Variants in PPL observed in about 807,000 individuals in gnomAD.
PPL encodes 190 kDa paraneoplastic pemphigus antigen.
PPL carries 198 observed loss-of-function variants against 194.4 expected under a neutral mutation model. That is an observed-to-expected ratio of 1.02 (90% CI 0.91 to 1.15). The LOEUF (loss-of-function observed/expected upper bound fraction) is 1.15. PPL is among the 50% of genes most tolerant of loss of function. The pLI, the probability that PPL is intolerant of heterozygous loss-of-function variation, is 0.00. For missense variants in PPL, 2,885 were observed against 2,294.8 expected (o/e 1.26, Z -5.25); for synonymous variants, 1,220 against 972.4 (o/e 1.25, Z -4.74).
At chr16:4,905,623 AAAAAGC>A (rs1361055171) in intron 2 of PPL, among the ~76,000 whole-genome samples, 1 of 152,256 alleles carries the variant, frequency 6.6e-6, no homozygotes, top group East Asian at 1.9e-4. Context: ...TTTTAAAAAG[AAAAAGC>A]AAAAGGAAGA....
chr16:4,933,844 A>G (rs1190417494), intron 1 of PPL, among the ~76,000 whole-genome samples: 1 of 152,228 alleles, frequency 6.6e-6, no homozygotes, highest in Non-Finnish European at 1.5e-5. Context: ...GTCCACCATG[A>G]TATCAAGTTT....
At chr16:4,887,010 C>A in intron 21 of PPL, 125 bp downstream of exon 21, 1 of 799,886 alleles carries the variant, frequency 1.3e-6, no homozygotes. Flanking sequence ...TTTGCATTGG[C>A]CCTGCCCAGA....
Position 4,902,282 on chromosome 16 carries a change from C to T in PPL, c.438+124G>A. The T allele has an allele frequency of 6.9e-7, 1 of 1,448,660 alleles. No homozygotes were observed. Among genetic ancestry groups the T allele is most frequent in the East Asian group, 2.3e-5 (1 of 42,638 alleles). 89.7% of individuals were successfully genotyped at this position (1,448,660 alleles called of 1,614,324 possible). ...TCTCATGGGCACACTGGAAAACCAT[C>T]AGGACCACGACTGTCTCCCTGGTAA... On this transcript the variant is annotated intron_variant, in intron 4 of 21. Coordinates refer to ENST00000345988, the MANE Select transcript of PPL (RefSeq NM_002705.5). The surrounding 1 kb of genome is among the most constrained non-coding windows in gnomAD (Gnocchi z 4.0).
chr16:4,908,124 T>C (rs1401590857), intron 2 of PPL, among the ~76,000 whole-genome samples: 2 of 141,020 alleles, frequency 1.4e-5, no homozygotes, highest in Non-Finnish European at 3.0e-5. Context: ...ATAGCACCAC[T>C]GCACTCCAGC....
At chr16:4,913,832 CG>C (rs2088865555) in intron 1 of PPL, among the ~76,000 whole-genome samples, 3 of 152,238 alleles carry the variant, frequency 2.0e-5, no homozygotes, top group African/African-American at 7.2e-5. Flanking sequence ...TGGCTAGGCA[CG>C]CAGAAGTTGC....
chr16:4,926,645 G>T (rs527735396), intron 1 of PPL, among the ~76,000 whole-genome samples: 3 of 152,252 alleles, frequency 2.0e-5, no homozygotes, highest in South Asian at 4.1e-4. Flanking sequence ...GGAGGCCGAG[G>T]CGGGCAGATC....
rs117476517 is a variant in PPL at position 4,924,177 on chromosome 16, C to T, written c.62+12807G>A. 3.9e-3 allele frequency among the ~76,000 whole-genome samples: 594 copies of T among 152,224 alleles called. 5 individuals are homozygous for T. Among genetic ancestry groups the T allele is most frequent in the Non-Finnish European group, 5.7e-3 (386 of 68,022 alleles). On this transcript the variant is annotated intron_variant, in intron 1 of 21. Transcript: ENST00000345988. Reference sequence around the variant, plus strand: ...AGAATTTACATTTTTCTAGTAGCCACGTGAAAAGAGTAAGAAGAAATGAGC... The same window carrying T: ...AGAATTTACATTTTTCTAGTAGCCATGTGAAAAGAGTAAGAAGAAATGAGC...
At chr16:4,919,718 C>A (rs1203827220) in intron 1 of PPL, among the ~76,000 whole-genome samples, 1 of 151,590 alleles carries the variant, frequency 6.6e-6, no homozygotes, top group Non-Finnish European at 1.5e-5. Context: ...TCTCTTGAGC[C>A]TAGGAGTTCG....
chr16:4,893,946 G>C (rs2088369467), intron 12 of PPL: 1 of 415,518 alleles, frequency 2.4e-6, no homozygotes, highest in Non-Finnish European at 4.3e-6. Context: ...AATAAATGAA[G>C]GCATTCCTTG....
rs753001981 is a variant in PPL at position 4,884,685 on chromosome 16, C to A, written c.3970G>T (p.Asp1324Tyr). The A allele has an allele frequency of 5.6e-6, 9 of 1,614,030 alleles. No homozygotes were observed. The highest frequency in any genetic ancestry group is 2.7e-5 in the African/African-American group (2 of 74,932). The change falls in exon 22 of 22, where the codon GAT (aspartate) becomes TAT (tyrosine). Residue 1324 changes from aspartate to tyrosine, a missense_variant. By Grantham distance (160) the Asp-to-Tyr change is radical (BLOSUM62 -3). Coordinates refer to ENST00000345988, the MANE Select transcript of PPL (RefSeq NM_002705.5). This position sits in a 1 kb window ranked among gnomAD's most constrained non-coding sequence, Gnocchi z 5.7. Reference protein sequence around the residue: ...KLSEEQKKQVDLERERASQEE... With the variant: ...KLSEEQKKQVYLERERASQEE... ...TGGGAAGCTCTTTCCCTCTCCAGAT[C>A]CACTTGTTTCTTCTGCTCCTCTGAG...
intron 1 of PPL, among the ~76,000 whole-genome samples, chr16:4,931,506 A>G (rs772766839): frequency 1.3e-5 from 2 of 152,338 alleles, no homozygotes; most frequent in East Asian, 3.9e-4. Context: ...CAGCACAGCA[A>G]CCCATCAGAA....
At chr16:4,886,246 C>T (rs1478347094) in intron 21 of PPL, among the ~76,000 whole-genome samples, 199 bp from the exon 22 acceptor site, 1 of 152,050 alleles carries the variant, frequency 6.6e-6, no homozygotes, top group Admixed American at 6.5e-5. Context: ...TCAGGTAAAA[C>T]ATTTTTGAGC....
At chr16:4,888,328 G>T in intron 19 of PPL, 110 bp from the exon 20 acceptor site, 1 of 744,036 alleles carries the variant, frequency 1.3e-6, no homozygotes, top group Non-Finnish European at 2.3e-6. Flanking sequence ...CCATGTGCTG[G>T]TTTTATAATC....
At chr16:4,891,171 G>A (rs984844567) in intron 16 of PPL, among the ~76,000 whole-genome samples, 4 of 152,204 alleles carry the variant, frequency 2.6e-5, no homozygotes, top group Admixed American at 6.5e-5. Context: ...TGCCCTGCGC[G>A]AGAACAGCCT....
intron 6 of PPL, among the ~76,000 whole-genome samples, chr16:4,900,135 TTC>T (rs1319455118): frequency 9.2e-5 from 14 of 152,308 alleles, no homozygotes; most frequent in African/African-American, 3.4e-4. Flanking sequence ...TGCCTCTGTA[TTC>T]TCTGTCTGAA....
intron 2 of PPL, among the ~76,000 whole-genome samples, chr16:4,906,068 A>G (rs1437626825): frequency 6.6e-6 from 1 of 152,324 alleles, no homozygotes; most frequent in East Asian, 1.9e-4. Flanking sequence ...AGATTGCACC[A>G]CTGCACTCCA....
rs1327989712 is a variant in PPL, at chr16:4,883,474, A to T, written c.5181T>A (p.Ser1727Arg). ...KKFSIEEALQ[S>R]GRLTPAQYDR... ...CATACTGAGCAGGGGTCAGCCTGCC[A>T]CTCTGCAGGGCCTCTTCGATGGAGA... The change falls in exon 22 of 22, where the codon AGT becomes AGA. Residue 1727 changes from serine (S) to arginine (R), a missense_variant. Transcript: ENST00000345988. This position sits in a 1 kb window ranked among gnomAD's most constrained non-coding sequence, Gnocchi z 4.8. The T allele has an allele frequency of 6.2e-7, 1 of 1,613,900 alleles. No homozygotes were observed. Among genetic ancestry groups the T allele is most frequent in the Non-Finnish European group, 8.5e-7 (1 of 1,179,972 alleles).
chr16:4,892,535 G>A (rs1287463061), intron 14 of PPL, among the ~76,000 whole-genome samples: 3 of 152,154 alleles, frequency 2.0e-5, no homozygotes, highest in Admixed American at 6.5e-5. Context: ...TGAGTACTAC[G>A]ACTCCACCCA....
At position 4,895,421 on chromosome 16, in the gene PPL, G is replaced by A. The variant is rs1268588224; in HGVS notation, c.1096-14C>T. The stretch of plus-strand genomic sequence containing the variant: ...CTTCTCCTGGTCCTGGAGAGAACGG[G>A]GTCAGGGGCCCAGGTGAGACCAACA... On this transcript the variant is annotated splice_polypyrimidine_tract_variant and intron_variant, in intron 10 of 21. Transcript: ENST00000345988. The A allele has an allele frequency of 1.2e-6, 2 of 1,611,624 alleles. No individual in the cohort carries two copies. Among genetic ancestry groups the A allele is most frequent in the South Asian group, 1.1e-5 (1 of 91,046 alleles).
Sources: gnomAD v4.1 joint callset for allele counts (sites outside exome capture counted in the v4.1 genomes callset) on GRCh38, gnomAD v4.1.1 for gene constraint, Gnocchi (gnomAD v3.1) non-coding constraint, MANE v1.5 for transcripts, NCBI Gene and HGNC (gene_info 2026-07-23, HGNC 2026-07-21) for gene names.